SEZ6L: variants seen among roughly 807,000 people sequenced by gnomAD.
SEZ6L encodes seizure 6-like protein.
A neutral mutation model predicts 106.2 loss-of-function variants in SEZ6L; 37 were observed. The observed-to-expected ratio is 0.35, with a 90% CI of 0.27 to 0.46. The LOEUF (loss-of-function observed/expected upper bound fraction) is 0.46, where lower values mean the gene tolerates loss of function less well. Among genes scored for constraint, SEZ6L ranks in the 20% least tolerant of loss-of-function variants. The pLI, the probability that SEZ6L is intolerant of heterozygous loss-of-function variation, is 1.00. For synonymous variants in SEZ6L, 541 were observed against 570.4 expected (o/e 0.95, Z 0.73); for missense variants, 1,172 against 1,332.8 (o/e 0.88, Z 1.88).
At chr22:26,309,124 T>C (rs1178699365) in intron 6 of SEZ6L, among the ~76,000 whole-genome samples, 1 of 152,210 alleles carries the variant, frequency 6.6e-6, no homozygotes, top group African/African-American at 2.4e-5. Context: ...TATGAGTCAG[T>C]AAAAACCTCA....
chr22:26,238,505 ATG>A (rs1257024037), intron 1 of SEZ6L, among the ~76,000 whole-genome samples: 3 of 152,216 alleles, frequency 2.0e-5, no homozygotes, highest in Non-Finnish European at 4.4e-5. Flanking sequence ...TCCCTTGCGG[ATG>A]TCAAATAGGA....
rs147504412 is a variant in SEZ6L, at chr22:26,214,368, G to A, written c.94+44605G>A. Reference sequence around the variant, plus strand: ...ATGTGAAGTATTTCATGCAGGGCCCGGCACACGGAAAAGAACCAATAAACG... The same window carrying A: ...ATGTGAAGTATTTCATGCAGGGCCCAGCACACGGAAAAGAACCAATAAACG... On this transcript the variant is annotated intron_variant, in intron 1 of 16. Coordinates refer to ENST00000248933, the MANE Select transcript of SEZ6L (RefSeq NM_021115.5). Among the ~76,000 whole-genome samples the A allele has an allele frequency of 5.3e-4, 81 of 152,196 alleles. 1 individual carries two copies. Among genetic ancestry groups the A allele is most frequent in the Middle Eastern group, 3.4e-3 (1 of 294 alleles).
chr22:26,365,622 T>C, intron 13 of SEZ6L, 56 bp downstream of exon 13: 1 of 1,501,866 alleles, frequency 6.7e-7, no homozygotes, highest in Non-Finnish European at 9.1e-7. Flanking sequence ...GTCAGGCTCC[T>C]GGCTCACAGG....
intron 1 of SEZ6L, among the ~76,000 whole-genome samples, chr22:26,202,989 C>T (rs960624104): frequency 2.0e-5 from 3 of 152,170 alleles, no homozygotes; most frequent in African/African-American, 7.2e-5. Flanking sequence ...TATTTTTCTG[C>T]TTACACCACT....
At chr22:26,218,950 A>T (rs2078376445) in intron 1 of SEZ6L, among the ~76,000 whole-genome samples, 1 of 152,214 alleles carries the variant, frequency 6.6e-6, no homozygotes, top group Non-Finnish European at 1.5e-5. Context: ...AAAAAAAGAA[A>T]AGAAAAGAAA....
intron 1 of SEZ6L, among the ~76,000 whole-genome samples, chr22:26,196,211 G>C (rs1431352146): frequency 1.3e-5 from 2 of 151,974 alleles, no homozygotes; most frequent in Non-Finnish European, 2.9e-5. Context: ...TTCTCTTCTT[G>C]CTCCTGCTGT....
chr22:26,347,669 C>T (rs139104540), intron 10 of SEZ6L, 50 bp from the exon 11 acceptor site: 14 of 1,508,464 alleles, frequency 9.3e-6, no homozygotes, highest in South Asian at 3.8e-5. Context: ...AAGGAGGCCC[C>T]GACAACAAGA....
chr22:26,365,592 G>A lies in SEZ6L; in HGVS notation c.2794+26G>A, dbSNP rs1002259570. 4 of 1,587,280 alleles carry A rather than the reference G, an allele frequency of 2.5e-6. No individual in the cohort carries two copies. In the Admixed American group the frequency reaches 5.1e-5, roughly 20 times the overall value. ...GTAAAGAAACCTACTCACCACACAG[G>A]GTCCACGGGGCCTGGAGATGTCAGG... is the stretch of plus-strand genomic sequence containing the variant. On this transcript the variant is annotated intron_variant, in intron 13 of 16. Transcript: ENST00000248933.
At chr22:26,191,701 T>TATGTAAC in intron 1 of SEZ6L, among the ~76,000 whole-genome samples, 1 of 152,312 alleles carries the variant, frequency 6.6e-6, no homozygotes, top group Non-Finnish European at 1.5e-5. Context: ...CATGTTTACC[T>TATGTAAC]ATGTAACAAA....
intron 1 of SEZ6L, among the ~76,000 whole-genome samples, chr22:26,219,466 G>T (rs2078397632): frequency 6.6e-6 from 1 of 151,902 alleles, no homozygotes; most frequent in Non-Finnish European, 1.5e-5. Flanking sequence ...AAATTATAGT[G>T]CTTGCTTCTT....
At chr22:26,286,687 C>A (rs2080942718) in intron 1 of SEZ6L, among the ~76,000 whole-genome samples, 1 of 152,000 alleles carries the variant, frequency 6.6e-6, no homozygotes, top group South Asian at 2.1e-4. Context: ...GTGCCTCTCC[C>A]AGGCATTCTG....
intron 13 of SEZ6L, among the ~76,000 whole-genome samples, chr22:26,372,911 A>G (rs1336752228): frequency 6.6e-6 from 1 of 152,220 alleles, no homozygotes; most frequent in African/African-American, 2.4e-5. Context: ...TTTTGTATGA[A>G]GGTCTGGGGC....
Position 26,301,865 on chromosome 22 carries a change from A to G in SEZ6L, c.1348+2696A>G, listed in dbSNP as rs185810611. 3.0e-3 allele frequency among the ~76,000 whole-genome samples: 459 copies of G among 152,352 alleles called. 3 individuals carry two copies. Among genetic ancestry groups the G allele is most frequent in the African/African-American group, 0.01 (430 of 41,578 alleles). ...AATCTGACTAAACTGCAGAGAAAAT[A>G]TCAGGACAGGAGGCTGGGGCAGTGG... On this transcript the variant is annotated intron_variant, in intron 5 of 16. Transcript: ENST00000248933.
chr22:26,338,867 CT>C (rs71192914), intron 9 of SEZ6L, among the ~76,000 whole-genome samples: 94 of 87,476 alleles, frequency 1.1e-3, no homozygotes, highest in South Asian at 2.1e-3. Context: ...TTTTTTTTTT[CT>C]TTTTTTTTTT....
At chr22:26,307,723 C>G (rs1051366410) in intron 6 of SEZ6L, among the ~76,000 whole-genome samples, 2 of 152,234 alleles carry the variant, frequency 1.3e-5, no homozygotes, top group South Asian at 2.1e-4. Flanking sequence ...GCATGGGAAC[C>G]CTTGGTGAAG....
At chr22:26,289,679 A>G (rs2081047826) in intron 1 of SEZ6L, among the ~76,000 whole-genome samples, 1 of 152,228 alleles carries the variant, frequency 6.6e-6, no homozygotes, top group African/African-American at 2.4e-5. Context: ...CAACAGGAAC[A>G]TTTGTTGATG....
At chr22:26,265,215 A>G (rs1482005936) in intron 1 of SEZ6L, among the ~76,000 whole-genome samples, 4 of 151,998 alleles carry the variant, frequency 2.6e-5, no homozygotes, top group Non-Finnish European at 5.9e-5. Flanking sequence ...GTTTCCTTAC[A>G]CCACCCTGTG....
intron 6 of SEZ6L, among the ~76,000 whole-genome samples, chr22:26,308,175 G>T (rs1273700414): frequency 6.6e-6 from 1 of 152,092 alleles, no homozygotes; most frequent in Non-Finnish European, 1.5e-5. Context: ...AGAACTCAGA[G>T]CTAGATAAGA....
At chr22:26,244,234 A>G (rs16981574) in intron 1 of SEZ6L, 21,692 of 152,114 alleles carry the variant, frequency 0.14, 2,067 homozygotes, top group East Asian at 0.24. Flanking sequence ...TTGCATGTGC[A>G]TTAAAGAAGC....
Sources: gnomAD v4.1 joint callset for allele counts (sites outside exome capture counted in the v4.1 genomes callset) on GRCh38, gnomAD v4.1.1 for gene constraint, MANE v1.5 for transcripts, NCBI Gene and HGNC (gene_info 2026-07-23, HGNC 2026-07-21) for gene names.